Variants in ZNF618 observed in about 807,000 individuals in gnomAD.
ZNF618 encodes neural precursor cell expressed, developmentally down-regulated 10.
A neutral mutation model predicts 103.0 loss-of-function variants in ZNF618; 34 were observed. That is an observed-to-expected ratio of 0.33 (90% CI 0.25 to 0.44). The LOEUF (loss-of-function observed/expected upper bound fraction) is 0.44. ZNF618 is among the 20% of genes least tolerant of loss of function. ZNF618 has a pLI of 1.00. For synonymous variants in ZNF618, 551 were observed against 542.2 expected (o/e 1.02, Z -0.23); for missense variants, 1,059 against 1,295.4 (o/e 0.82, Z 2.80).
intron 1 of ZNF618, among the ~76,000 whole-genome samples, chr9:113,959,010 C>T (rs145549515): frequency 3.3e-5 from 5 of 152,294 alleles, no homozygotes; most frequent in Admixed American, 2.0e-4. Flanking sequence ...TGTTTTAGGC[C>T]GGGCGCGGTG....
rs557084261 is a variant in ZNF618 at position 113,967,137 on chromosome 9, G to T, written c.34-1980G>T. Among the ~76,000 whole-genome samples the T allele has an allele frequency of 2.0e-5, 3 of 152,346 alleles. No individual in the cohort carries two copies. The South Asian group carries it at 6.2e-4, about 32-fold the overall frequency. On this transcript the variant is annotated intron_variant, in intron 1 of 14. Coordinates refer to ENST00000374126, the MANE Select transcript of ZNF618 (RefSeq NM_001318042.2). The stretch of plus-strand genomic sequence containing the variant: ...GTGACAAGCTAAAAATACACGCACA[G>T]AATTAAGTCTGAAAGGCGAGAGATC...
At chr9:113,915,737 G>A (rs1832010073) in intron 1 of ZNF618, among the ~76,000 whole-genome samples, 3 of 151,940 alleles carry the variant, frequency 2.0e-5, no homozygotes, top group East Asian at 1.9e-4. Context: ...AAGGAGGGAG[G>A]GATAGAGAGA....
chr9:114,020,914 G>A (rs1256615146), intron 10 of ZNF618, among the ~76,000 whole-genome samples: 1 of 151,962 alleles, frequency 6.6e-6, no homozygotes, highest in Non-Finnish European at 1.5e-5. Flanking sequence ...CATTGTGTTA[G>A]CTAAAGTAGG....
chr9:113,983,136 A>G (rs1839122356), intron 2 of ZNF618, among the ~76,000 whole-genome samples: 1 of 152,216 alleles, frequency 6.6e-6, no homozygotes, highest in Non-Finnish European at 1.5e-5. Flanking sequence ...TTTTTCACTA[A>G]TATACCTAAT....
Position 113,969,102 on chromosome 9 carries a change from G to T in ZNF618, c.34-15G>T, listed in dbSNP as rs534350962. 6 of 1,613,936 alleles carry T rather than the reference G, an allele frequency of 3.7e-6. No homozygotes were observed. The African/African-American group carries it at 5.3e-5, about 14-fold the overall frequency. On this transcript the variant is annotated splice_polypyrimidine_tract_variant and intron_variant, in intron 1 of 14. Coordinates refer to ENST00000374126, the MANE Select transcript of ZNF618 (RefSeq NM_001318042.2). ...CTGCCTTGGCTGATGTAGGTGTTTT[G>T]GGTTTCTTTTGCAGGCTGACGGAGC... is the stretch of plus-strand genomic sequence containing the variant.
intron 10 of ZNF618, among the ~76,000 whole-genome samples, chr9:114,017,067 G>T (rs1044627832): frequency 9.2e-5 from 14 of 152,164 alleles, no homozygotes; most frequent in Non-Finnish European, 1.9e-4. Flanking sequence ...GACATCACTT[G>T]TCCAAGTCCT....
At position 114,056,328 on chromosome 9, in the gene ZNF618, G is replaced by A. The variant is rs1454649979; in HGVS notation, c.*6161G>A. The A allele has an allele frequency of 6.6e-6, 1 of 152,184 alleles. No individual in the cohort carries two copies. The highest frequency in any genetic ancestry group is 1.9e-4 in the East Asian group (1 of 5,198). The allele number at this position is 152,184 out of a possible 1,614,324, so 9.4% of individuals were successfully genotyped here. On this transcript the variant is annotated 3_prime_UTR_variant, in exon 15 of 15. Coordinates refer to ENST00000374126, the MANE Select transcript of ZNF618 (RefSeq NM_001318042.2). ...AAAATTTAAAACTGAGCTGTTTAAT[G>A]TTGCTGTTTTTACCTGTCTGTTCTT...
chr9:114,018,304 T>G (rs1842807229), intron 10 of ZNF618, among the ~76,000 whole-genome samples: 1 of 152,216 alleles, frequency 6.6e-6, no homozygotes, highest in Non-Finnish European at 1.5e-5. Flanking sequence ...TGGTCGGGCT[T>G]GAACACCATG....
At chr9:113,916,623 C>G (rs1271655975) in intron 1 of ZNF618, among the ~76,000 whole-genome samples, 2 of 152,182 alleles carry the variant, frequency 1.3e-5, no homozygotes, top group Non-Finnish European at 2.9e-5. Flanking sequence ...AAGAATCATG[C>G]AGGTGGCAGT....
intron 1 of ZNF618, among the ~76,000 whole-genome samples, chr9:113,966,642 CG>C (rs1564230041): frequency 6.6e-6 from 1 of 152,198 alleles, no homozygotes; most frequent in Non-Finnish European, 1.5e-5. Flanking sequence ...TAGCTGGACT[CG>C]GCCAGGCCCA....
Position 114,049,696 on chromosome 9 carries a change from G to A in ZNF618, c.2394G>A (p.Val798=). ...AGGCGCTCAAGGAGAACTTCAAGGT[G>A]CACCCGGCCCACAAGGTGGCCATGA... The part of the protein sequence containing the change: ...FLEALKENFK[V]HPAHKVAMIL... Residue 798 remains valine, a synonymous_variant, in exon 15 of 15, where the codon GTG becomes GTA. Transcript: ENST00000374126. 2 of 1,613,850 alleles carry A rather than the reference G, an allele frequency of 1.2e-6. No homozygotes were observed. The highest frequency in any genetic ancestry group is 2.7e-5 in the African/African-American group (2 of 75,070).
At chr9:114,016,924 T>C (rs974052384) in intron 10 of ZNF618, 140 bp downstream of exon 10, 6 of 652,318 alleles carry the variant, frequency 9.2e-6, no homozygotes, top group Non-Finnish European at 1.6e-5. Flanking sequence ...TTAGGTATTA[T>C]GTCTGACCCA....
chr9:113,943,021 TC>T (rs1198753750), intron 1 of ZNF618, among the ~76,000 whole-genome samples: 6 of 152,156 alleles, frequency 3.9e-5, no homozygotes, highest in African/African-American at 1.2e-4. Context: ...TTGAGGATTG[TC>T]CCAGGTGCAT....
intron 5 of ZNF618, 26 bp from the exon 6 acceptor site, chr9:114,002,598 C>T (rs757140774): frequency 6.3e-7 from 1 of 1,590,560 alleles, no homozygotes; most frequent in Non-Finnish European, 8.5e-7. Context: ...AGCCCCACCC[C>T]CATCCCTCTC....
chr9:114,020,599 TTGTC>T (rs796464360), intron 10 of ZNF618, among the ~76,000 whole-genome samples: 5 of 149,362 alleles, frequency 3.3e-5, no homozygotes, highest in African/African-American at 1.2e-4. Flanking sequence ...AATTTTCCAA[TTGTC>T]TGTTGCTATT....
At chr9:113,937,985 A>C (rs1486946356) in intron 1 of ZNF618, among the ~76,000 whole-genome samples, 4 of 152,108 alleles carry the variant, frequency 2.6e-5, no homozygotes, top group African/African-American at 9.7e-5. Context: ...CTGTTCTTCT[A>C]CATGAGCTTT....
At chr9:114,041,563 C>G (rs1192824969) in intron 13 of ZNF618, among the ~76,000 whole-genome samples, 1 of 152,210 alleles carries the variant, frequency 6.6e-6, no homozygotes, top group African/African-American at 2.4e-5. Flanking sequence ...CCAGTTTTCC[C>G]AGCACCATTT....
chr9:114,008,321 T>C, intron 7 of ZNF618, 23 bp from the exon 8 acceptor site: 1 of 1,613,044 alleles, frequency 6.2e-7, no homozygotes, highest in Non-Finnish European at 8.5e-7. Context: ...CTTCTGCGGC[T>C]GCCGCCTCCT....
intron 1 of ZNF618, among the ~76,000 whole-genome samples, chr9:113,933,904 G>A (rs1833821411): frequency 6.6e-6 from 1 of 152,086 alleles, no homozygotes. Context: ...TGGGGGCCAG[G>A]ATTGGTGGAA....
Sources: gnomAD v4.1 joint callset for allele counts (sites outside exome capture counted in the v4.1 genomes callset) on GRCh38, gnomAD v4.1.1 for gene constraint, MANE v1.5 for transcripts, NCBI Gene and HGNC (gene_info 2026-07-23, HGNC 2026-07-21) for gene names.